AKAP13: variants seen among roughly 807,000 people sequenced by gnomAD.
The protein encoded by AKAP13 is A-kinase anchor protein 13.
AKAP13 carries 80 observed loss-of-function variants against 264.5 expected under a neutral mutation model. The observed-to-expected ratio is 0.30, with a 90% CI of 0.25 to 0.36. AKAP13 has a LOEUF of 0.36. Ranked by LOEUF, AKAP13 falls within the 10% of genes least tolerant of loss-of-function variation. AKAP13 has a pLI of 1.00. For synonymous variants in AKAP13, 1,380 were observed against 1,250.2 expected (o/e 1.10, Z -2.19); for missense variants, 3,712 against 3,435.2 (o/e 1.08, Z -2.01).
Position 85,581,313 on chromosome 15 carries a change from A to G in AKAP13, c.3245A>G (p.Glu1082Gly). The change falls in exon 7 of 37, where the codon GAG (glutamate) becomes GGG (glycine). Residue 1082 changes from glutamate (E) to glycine (G), a missense_variant. Physicochemically the swap from Glu to Gly is moderately conservative, Grantham distance 98. Transcript: ENST00000394518. ...TQSQGKTSAC[E>G]VSGDVTVDVT... ...TCCCAGGGAAAAACTAGTGCCTGTG[A>G]GGTGAGTGGAGATGTGACGGTGGAT... 6.2e-7 allele frequency: 1 copy of G among 1,614,198 alleles called. No homozygotes were observed. Among genetic ancestry groups the G allele is most frequent in the South Asian group, 1.1e-5 (1 of 91,088 alleles).
chr15:85,489,497 C>T (rs1158038119), intron 2 of AKAP13, among the ~76,000 whole-genome samples: 6 of 152,172 alleles, frequency 3.9e-5, no homozygotes, highest in Non-Finnish European at 8.8e-5. Context: ...GGAAAAGTAG[C>T]TGTTTTATGA....
chr15:85,639,376 A>C lies in AKAP13; in HGVS notation c.4164A>C (p.Ile1388=), dbSNP rs2082204563. The part of the protein sequence containing the change: ...KMKQGPMTQA[I]NRENWCTIEP... ...TCTGTGTTTTCTTTTTCTTTCAGAT[A>C]AACCGAGAAAACTGGTGTACAATAG... Residue 1388 remains isoleucine, a splice_region_variant and synonymous_variant, in exon 9 of 37, where the codon ATA becomes ATC. Coordinates refer to ENST00000394518, the MANE Select transcript of AKAP13 (RefSeq NM_007200.5). 6.2e-7 allele frequency: 1 copy of C among 1,608,520 alleles called. No individual in the cohort carries two copies. The highest frequency in any genetic ancestry group is 8.5e-7 in the Non-Finnish European group (1 of 1,177,664).
intron 23 of AKAP13, among the ~76,000 whole-genome samples, chr15:85,720,527 T>C (rs1170281077): frequency 6.6e-6 from 1 of 152,218 alleles, no homozygotes; most frequent in Non-Finnish European, 1.5e-5. Flanking sequence ...ATGTTTCTTT[T>C]TAAAATATTC....
chr15:85,624,409 C>T (rs1355067841), intron 8 of AKAP13: 1 of 152,178 alleles, frequency 6.6e-6, no homozygotes, highest in East Asian at 1.9e-4. Flanking sequence ...GAGGAATAGT[C>T]TGTCTCTAAT....
chr15:85,646,940 G>T (rs956354072), intron 10 of AKAP13, among the ~76,000 whole-genome samples: 14 of 152,240 alleles, frequency 9.2e-5, no homozygotes, highest in African/African-American at 3.4e-4. Flanking sequence ...TCAATTATAT[G>T]CCACAAGTGG....
intron 1 of AKAP13, among the ~76,000 whole-genome samples, chr15:85,460,324 G>C (rs888580356): frequency 1.3e-5 from 2 of 152,124 alleles, no homozygotes; most frequent in African/African-American, 2.4e-5. Flanking sequence ...ATTCTCCCTG[G>C]AAAGTACACA....
At chr15:85,414,316 G>A (rs1333346724) in intron 1 of AKAP13, among the ~76,000 whole-genome samples, 1 of 152,202 alleles carries the variant, frequency 6.6e-6, no homozygotes, top group Non-Finnish European at 1.5e-5. Context: ...TGCTGATTGT[G>A]TGAAGGGTTT....
Position 85,684,607 on chromosome 15 carries a change from A to G in AKAP13, c.5157-134A>G, listed in dbSNP as rs928108447. On this transcript the variant is annotated intron_variant, in intron 15 of 36. Transcript: ENST00000394518. ...TCTAAGGAAACTTAGCCAAGTTTTG[A>G]TAACAGAACCTGGGCGTTGTGGCAT... The G allele has an allele frequency of 7.2e-5, 66 of 920,528 alleles. 1 individual carries two copies. In the South Asian group the frequency reaches 1.1e-3, roughly 16 times the overall value. 57.0% of individuals were successfully genotyped at this position (920,528 alleles called of 1,614,324 possible).
chr15:85,498,215 T>G lies in AKAP13; in HGVS notation c.33+12462T>G, dbSNP rs1190599897. On this transcript the variant is annotated intron_variant, in intron 2 of 36. Transcript: ENST00000394518. ...ATGAAGTGAGATATATATATATATA[T>G]ATATATATATATCACATTGAGCGAG... Among the ~76,000 whole-genome samples, 3 of 148,208 alleles carry G rather than the reference T, an allele frequency of 2.0e-5. No homozygotes were observed. In the East Asian group the frequency reaches 6.7e-4, roughly 33 times the overall value.
intron 2 of AKAP13, among the ~76,000 whole-genome samples, chr15:85,500,528 G>T (rs1395616357): frequency 6.6e-6 from 1 of 152,138 alleles, no homozygotes; most frequent in Non-Finnish European, 1.5e-5. Context: ...TCTATAAATA[G>T]CTCCCTTCAA....
chr15:85,645,762 T>G, intron 9 of AKAP13, 56 bp from the exon 10 acceptor site: 1 of 1,488,756 alleles, frequency 6.7e-7, no homozygotes, highest in Non-Finnish European at 8.8e-7. Context: ...TCTTTTTGTT[T>G]TTTGGTTTTT....
intron 5 of AKAP13, among the ~76,000 whole-genome samples, chr15:85,572,527 T>C (rs767897403): frequency 6.6e-6 from 1 of 152,234 alleles, no homozygotes; most frequent in Non-Finnish European, 1.5e-5. Flanking sequence ...GCCATTCTTA[T>C]TTTAAGCTGC....
intron 1 of AKAP13, among the ~76,000 whole-genome samples, chr15:85,455,101 A>G (rs1360123693): frequency 2.0e-5 from 3 of 152,196 alleles, no homozygotes; most frequent in Non-Finnish European, 4.4e-5. Context: ...TGGGCCTCTC[A>G]TGTCTGTCCT....
intron 17 of AKAP13, among the ~76,000 whole-genome samples, chr15:85,705,546 GA>G (rs2086183594): frequency 6.7e-6 from 1 of 149,718 alleles, no homozygotes; most frequent in Non-Finnish European, 1.5e-5. Context: ...TATGCAAAAG[GA>G]TATGGAAATG....
At chr15:85,503,765 C>G (rs1004809295) in intron 2 of AKAP13, among the ~76,000 whole-genome samples, 1 of 152,198 alleles carries the variant, frequency 6.6e-6, no homozygotes. Context: ...ATGCTTTACT[C>G]TCTCGCTCTA....
intron 8 of AKAP13, among the ~76,000 whole-genome samples, chr15:85,594,100 G>C (rs964971781): frequency 9.9e-5 from 15 of 152,106 alleles, no homozygotes; most frequent in Non-Finnish European, 7.3e-5. Flanking sequence ...TCTTAAGACA[G>C]TATGAATGAG....
chr15:85,626,623 T>G (rs2081422576), intron 8 of AKAP13, among the ~76,000 whole-genome samples: 1 of 152,242 alleles, frequency 6.6e-6, no homozygotes, highest in Non-Finnish European at 1.5e-5. Flanking sequence ...ATATACCATA[T>G]TTTGTTTACC....
intron 3 of AKAP13, 94 bp downstream of exon 3, chr15:85,521,669 T>TGTA (rs2076828047): frequency 7.4e-7 from 1 of 1,356,498 alleles, no homozygotes; most frequent in African/African-American, 1.5e-5. Flanking sequence ...AAGAGTGAAG[T>TGTA]GTAGACAGTA....
Position 85,543,816 on chromosome 15 carries a change from G to A in AKAP13, c.523G>A (p.Gly175Arg), listed in dbSNP as rs770820392. 5 of 1,613,920 alleles carry A rather than the reference G, an allele frequency of 3.1e-6. No homozygotes were observed. The highest frequency in any genetic ancestry group is 1.7e-5 in the Admixed American group (1 of 59,984). Residue 175 changes from glycine to arginine, a missense_variant, in exon 5 of 37, where the codon GGA becomes AGA. By Grantham distance (125) the Gly-to-Arg change is moderately radical. Coordinates refer to ENST00000394518, the MANE Select transcript of AKAP13 (RefSeq NM_007200.5). ...ATTGATGCATTTTGCTGTGCGGCTGGGACTGCTGAGGTTGACGTGGTTCCT... is the reference window on the plus strand; with the variant it reads ...ATTGATGCATTTTGCTGTGCGGCTGAGACTGCTGAGGTTGACGTGGTTCCT... ...ETLMHFAVRL[G>R]LLRLTWFLLQ... is the part of the protein sequence containing the mutation.
Sources: gnomAD v4.1 joint callset for allele counts (sites outside exome capture counted in the v4.1 genomes callset) on GRCh38, gnomAD v4.1.1 for gene constraint, MANE v1.5 for transcripts, NCBI Gene and HGNC (gene_info 2026-07-23, HGNC 2026-07-21) for gene names.